Variants in DAAM1 observed in about 807,000 individuals in gnomAD.
DAAM1 encodes dishevelled associated activator of morphogenesis 1.
DAAM1 carries 52 observed loss-of-function variants against 130.0 expected under a neutral mutation model. The observed-to-expected ratio is 0.40, with a 90% CI of 0.32 to 0.50. DAAM1 has a LOEUF of 0.50. Among genes scored for constraint, DAAM1 ranks in the 20% least tolerant of loss-of-function variants. The pLI, the probability that DAAM1 is intolerant of heterozygous loss-of-function variation, is 0.61. For missense variants in DAAM1, 1,134 were observed against 1,303.8 expected, an observed-to-expected ratio of 0.87 and a Z score of 2.01; for synonymous variants, 452 against 444.5, an observed-to-expected ratio of 1.02 and a Z score of -0.21.
chr14:59,289,773 T>C (rs911853406), intron 2 of DAAM1, among the ~76,000 whole-genome samples: 3 of 59,268 alleles, frequency 5.1e-5, no homozygotes, highest in South Asian at 7.0e-4. Flanking sequence ...ATGTGATATA[T>C]ATATATATAT....
chr14:59,219,810 C>G (rs903614856), intron 1 of DAAM1, among the ~76,000 whole-genome samples: 3 of 152,134 alleles, frequency 2.0e-5, no homozygotes, highest in Admixed American at 1.3e-4. Context: ...ACTGTAGGAT[C>G]CTGCTTGTCT....
At chr14:59,352,727 C>A in intron 18 of DAAM1, 95 bp downstream of exon 18, 1 of 1,055,074 alleles carries the variant, frequency 9.5e-7, no homozygotes, top group Non-Finnish European at 1.4e-6. Context: ...GCCAATTAAC[C>A]TGGCTTAACT....
chr14:59,313,869 C>A (rs958425878), intron 3 of DAAM1, among the ~76,000 whole-genome samples: 8 of 152,228 alleles, frequency 5.3e-5, no homozygotes, highest in Admixed American at 5.2e-4. Context: ...TCCAGTCTAA[C>A]TTCAAAGCCT....
intron 24 of DAAM1, 127 bp downstream of exon 24, chr14:59,367,726 GTGGGACTTTACAT>G: frequency 2.4e-6 from 3 of 1,268,884 alleles, no homozygotes; most frequent in Non-Finnish European, 3.1e-6. Context: ...CTAGAATGCT[GTGGGACTTTACAT>G]TGGTGTTGTT....
intron 3 of DAAM1, among the ~76,000 whole-genome samples, chr14:59,302,681 T>C (rs1184697232): frequency 6.6e-6 from 1 of 152,040 alleles, no homozygotes; most frequent in East Asian, 1.9e-4. Flanking sequence ...TGAGATGGAG[T>C]CTCACTCTGT....
chr14:59,345,734 C>T (rs913805295), intron 16 of DAAM1, among the ~76,000 whole-genome samples: 9 of 152,162 alleles, frequency 5.9e-5, no homozygotes, highest in Admixed American at 5.2e-4. Context: ...GTGCTTTACA[C>T]ACCTTTGTGT....
At chr14:59,201,160 CAAAAAAAAAA>C (rs71111617) in intron 1 of DAAM1, among the ~76,000 whole-genome samples, 1 of 68,858 alleles carries the variant, frequency 1.5e-5, no homozygotes, top group Non-Finnish European at 2.6e-5. Flanking sequence ...GACTCCGTCT[CAAAAAAAAAA>C]AAAAAAAAAA....
At chr14:59,294,620 G>A (rs1883881683) in intron 3 of DAAM1, among the ~76,000 whole-genome samples, 1 of 151,468 alleles carries the variant, frequency 6.6e-6, no homozygotes, top group Non-Finnish European at 1.5e-5. Flanking sequence ...TAGTTGTGAT[G>A]GGGTATTTTC....
At chr14:59,287,788 A>G (rs1238216465) in intron 2 of DAAM1, among the ~76,000 whole-genome samples, 1 of 152,222 alleles carries the variant, frequency 6.6e-6, no homozygotes, top group Non-Finnish European at 1.5e-5. Context: ...AAACAAATGG[A>G]AAAACATTCC....
chr14:59,335,321 T>G (rs1258816380), intron 15 of DAAM1, among the ~76,000 whole-genome samples: 1 of 152,214 alleles, frequency 6.6e-6, no homozygotes, highest in Non-Finnish European at 1.5e-5. Flanking sequence ...AGGCAGTTAT[T>G]TCTCCACTCA....
chr14:59,195,989 T>A (rs535626206), intron 1 of DAAM1, among the ~76,000 whole-genome samples: 10 of 152,268 alleles, frequency 6.6e-5, no homozygotes, highest in Non-Finnish European at 1.2e-4. Flanking sequence ...TGCCATATTT[T>A]AAAGCGAACT....
In DAAM1 at chr14:59,357,641, G is replaced by A. The variant is rs1212495708; in HGVS notation, c.2526-1756G>A. 2.0e-5 allele frequency among the ~76,000 whole-genome samples: 3 copies of A among 152,286 alleles called. No individual in the cohort carries two copies. In the East Asian group the frequency reaches 5.8e-4, roughly 29 times the overall value. ...CAAATAGAAAAAGTTATCCAGGCGTGGTGTCATGCGCTTGTAGTCCCAGCT... is the reference window on the plus strand; with the variant it reads ...CAAATAGAAAAAGTTATCCAGGCGTAGTGTCATGCGCTTGTAGTCCCAGCT... On this transcript the variant is annotated intron_variant, in intron 20 of 24. Transcript: ENST00000360909.
At chr14:59,202,628 G>A (rs1888141425) in intron 1 of DAAM1, among the ~76,000 whole-genome samples, 1 of 152,156 alleles carries the variant, frequency 6.6e-6, no homozygotes, top group Non-Finnish European at 1.5e-5. Flanking sequence ...TTTTACTTAA[G>A]TAAAGCTCAG....
chr14:59,327,573 A>G (rs909461518), intron 12 of DAAM1, among the ~76,000 whole-genome samples: 4 of 151,732 alleles, frequency 2.6e-5, no homozygotes, highest in African/African-American at 4.9e-5. Context: ...ACATCCGGCT[A>G]ATTTTTTGTA....
At chr14:59,204,669 A>G (rs1415052874) in intron 1 of DAAM1, among the ~76,000 whole-genome samples, 1 of 152,232 alleles carries the variant, frequency 6.6e-6, no homozygotes. Context: ...TGCCTGTCAT[A>G]TCAGGTAACG....
chr14:59,352,733 T>A, intron 18 of DAAM1, 101 bp downstream of exon 18: 1 of 1,001,098 alleles, frequency 1.0e-6, no homozygotes, highest in Non-Finnish European at 1.5e-6. Flanking sequence ...TAACCTGGCT[T>A]AACTTGAAAG....
intron 1 of DAAM1, among the ~76,000 whole-genome samples, chr14:59,222,829 T>A (rs113971277): frequency 6.6e-6 from 1 of 152,188 alleles, no homozygotes; most frequent in Non-Finnish European, 1.5e-5. Flanking sequence ...TCTGTGGACA[T>A]CCAGCCATGC....
intron 20 of DAAM1, among the ~76,000 whole-genome samples, chr14:59,355,647 T>C (rs1886451438): frequency 6.6e-6 from 1 of 152,206 alleles, no homozygotes. Context: ...TTGTAAACTT[T>C]TTATTATAAT....
intron 1 of DAAM1, among the ~76,000 whole-genome samples, chr14:59,194,919 C>T (rs559270151): frequency 8.5e-5 from 13 of 152,284 alleles, no homozygotes; most frequent in Admixed American, 7.2e-4. Context: ...TTCCTTTTGG[C>T]TTAAAACTAG....
Sources: gnomAD v4.1 joint callset for allele counts (sites outside exome capture counted in the v4.1 genomes callset) on GRCh38, gnomAD v4.1.1 for gene constraint, MANE v1.5 for transcripts, NCBI Gene and HGNC (gene_info 2026-07-23, HGNC 2026-07-21) for gene names.